Variants in HACD2 observed in about 807,000 individuals in gnomAD.
HACD2 encodes the protein very-long-chain (3R)-3-hydroxyacyl-CoA dehydratase 2.
In HACD2, 15 loss-of-function variants were observed where a neutral mutation model predicts 31.0. The ratio of observed to expected loss-of-function variants is 0.48; its 90% confidence interval spans 0.32 to 0.75. The LOEUF is 0.75. Among genes scored for constraint, HACD2 ranks in the 30% least tolerant of loss-of-function variants. The probability of loss-of-function intolerance (pLI) is 0.03; values close to 1 mark genes in which losing one functional copy is unlikely to be tolerated. For missense variants in HACD2, 283 were observed against 313.0 expected (o/e 0.90, Z 0.72); for synonymous variants, 115 against 122.2 (o/e 0.94, Z 0.39).
At chr3:123,541,910 G>A (rs1182735953) in intron 3 of HACD2, among the ~76,000 whole-genome samples, 1 of 151,966 alleles carries the variant, frequency 6.6e-6, no homozygotes, top group Non-Finnish European at 1.5e-5. Context: ...CACTTTGGGA[G>A]GCCGAGGCGG....
At chr3:123,551,562 T>G (rs2056620799) in intron 3 of HACD2, among the ~76,000 whole-genome samples, 1 of 151,678 alleles carries the variant, frequency 6.6e-6, no homozygotes, top group Non-Finnish European at 1.5e-5. Context: ...AGGCAGAAGT[T>G]GCAGTAAGCT....
Position 123,582,192 on chromosome 3 carries a change from C to G in HACD2, c.273+20G>C. On this transcript the variant is annotated intron_variant, in intron 2 of 6. Coordinates refer to ENST00000383657, the MANE Select transcript of HACD2 (RefSeq NM_198402.5). ...TCATACCAATGGAAATCAATAACAACAATAAATCTCAGGACCTACCTCCAA... is the reference window on the plus strand; with the variant it reads ...TCATACCAATGGAAATCAATAACAAGAATAAATCTCAGGACCTACCTCCAA... 1 of 1,442,114 alleles carries G rather than the reference C, an allele frequency of 6.9e-7. No individual in the cohort carries two copies. Among genetic ancestry groups the G allele is most frequent in the Non-Finnish European group, 9.5e-7 (1 of 1,051,506 alleles). 89.3% of individuals were successfully genotyped at this position (1,442,114 alleles called of 1,614,324 possible). A position where few individuals can be genotyped will look rare whatever the true frequency, so the allele number is the denominator to read the frequency against.
chr3:123,551,483 G>T (rs1202017967), intron 3 of HACD2, among the ~76,000 whole-genome samples: 1 of 152,048 alleles, frequency 6.6e-6, no homozygotes, highest in Non-Finnish European at 1.5e-5. Flanking sequence ...AAATTAGCCA[G>T]GCATGGTGGC....
intron 2 of HACD2, among the ~76,000 whole-genome samples, chr3:123,579,757 A>C (rs1039132035): frequency 6.6e-6 from 1 of 152,170 alleles, no homozygotes; most frequent in Non-Finnish European, 1.5e-5. Flanking sequence ...TGGGAACTGT[A>C]CTGGCCAAGG....
intron 3 of HACD2, among the ~76,000 whole-genome samples, chr3:123,566,663 A>G (rs1335765511): frequency 6.6e-6 from 1 of 151,674 alleles, no homozygotes; most frequent in Non-Finnish European, 1.5e-5. Context: ...TTGGGAGGCC[A>G]AGGTGGGTGG....
intron 5 of HACD2, among the ~76,000 whole-genome samples, chr3:123,501,587 GA>G (rs374898362): frequency 0.03 from 4,543 of 152,152 alleles, 73 homozygotes; most frequent in Middle Eastern, 0.088. Context: ...TAGGATGGTG[GA>G]AAAAAATCTT....
chr3:123,535,713 C>T (rs190074006), intron 3 of HACD2, among the ~76,000 whole-genome samples: 34 of 152,336 alleles, frequency 2.2e-4, no homozygotes, highest in African/African-American at 7.7e-4. Flanking sequence ...CTCATCCATG[C>T]TGAGCCTTCC....
intron 4 of HACD2, among the ~76,000 whole-genome samples, chr3:123,515,274 T>C (rs528970145): frequency 1.3e-5 from 2 of 152,260 alleles, no homozygotes; most frequent in East Asian, 3.9e-4. Flanking sequence ...ATATGGTGTT[T>C]GCTGTCTGCT....
chr3:123,514,475 A>G (rs1360792475), intron 4 of HACD2, among the ~76,000 whole-genome samples: 1 of 152,176 alleles, frequency 6.6e-6, no homozygotes, highest in Non-Finnish European at 1.5e-5. Flanking sequence ...GTACAATGAG[A>G]AGGAAATATA....
intron 4 of HACD2, among the ~76,000 whole-genome samples, chr3:123,507,310 T>G (rs2055989189): frequency 6.6e-6 from 1 of 152,206 alleles, no homozygotes; most frequent in South Asian, 2.1e-4. Flanking sequence ...AATGCAAATG[T>G]TCATAGAGTA....
At chr3:123,583,137 T>C (rs912552248) in intron 1 of HACD2, among the ~76,000 whole-genome samples, 1 of 152,112 alleles carries the variant, frequency 6.6e-6, no homozygotes, top group Admixed American at 6.5e-5. Flanking sequence ...CATAAGGACA[T>C]CAAGTAAGAG....
At chr3:123,506,076 G>A (rs1419711982) in intron 4 of HACD2, among the ~76,000 whole-genome samples, 1 of 152,262 alleles carries the variant, frequency 6.6e-6, no homozygotes, top group Non-Finnish European at 1.5e-5. Context: ...GGCGTGAAAC[G>A]CTGGCTAATA....
chr3:123,530,698 C>T (rs144144394), intron 3 of HACD2, among the ~76,000 whole-genome samples: 13 of 151,536 alleles, frequency 8.6e-5, no homozygotes, highest in African/African-American at 2.2e-4. Context: ...TGAGCCACTG[C>T]GCCCGGCCTG....
At chr3:123,555,158 G>A (rs749695774) in intron 3 of HACD2, among the ~76,000 whole-genome samples, 43 of 152,166 alleles carry the variant, frequency 2.8e-4, no homozygotes, top group Non-Finnish European at 5.6e-4. Context: ...ATTGGTTGGG[G>A]AGAAAACTGA....
chr3:123,550,014 T>C (rs1391754786), intron 3 of HACD2, among the ~76,000 whole-genome samples: 1 of 152,102 alleles, frequency 6.6e-6, no homozygotes, highest in Non-Finnish European at 1.5e-5. Flanking sequence ...GATTTTAGTC[T>C]AGAAGTATTT....
In HACD2 at chr3:123,519,746, A is replaced by T. The variant is rs532813841; in HGVS notation, c.381+8640T>A. Among the ~76,000 whole-genome samples the T allele has an allele frequency of 5.9e-5, 9 of 152,370 alleles. No homozygotes were observed. In the South Asian group the frequency reaches 1.9e-3, roughly 32 times the overall value. Reference sequence around the variant, plus strand: ...GGCAAAGAAGCAGGTAATAAGAGAGAGTTCCTCCTCCCGCAAGTTTTCAAA... The same window carrying T: ...GGCAAAGAAGCAGGTAATAAGAGAGTGTTCCTCCTCCCGCAAGTTTTCAAA... On this transcript the variant is annotated intron_variant, in intron 4 of 6. Transcript: ENST00000383657.
chr3:123,562,000 C>T (rs944567987), intron 3 of HACD2, among the ~76,000 whole-genome samples: 1 of 152,108 alleles, frequency 6.6e-6, no homozygotes, highest in Admixed American at 6.6e-5. Context: ...TTTGTAGAGA[C>T]AGGGTTTCAC....
At chr3:123,571,925 A>G (rs967453106) in intron 2 of HACD2, among the ~76,000 whole-genome samples, 1 of 152,198 alleles carries the variant, frequency 6.6e-6, no homozygotes, top group African/African-American at 2.4e-5. Context: ...TGGTCCATTT[A>G]TATTTGTAGA....
At chr3:123,547,386 T>A (rs1463465412) in intron 3 of HACD2, among the ~76,000 whole-genome samples, 6 of 152,212 alleles carry the variant, frequency 3.9e-5, no homozygotes, top group African/African-American at 1.4e-4. Context: ...TAAAGTACTG[T>A]GGGAATTACT....
Sources: gnomAD v4.1 joint callset for allele counts (sites outside exome capture counted in the v4.1 genomes callset) on GRCh38, gnomAD v4.1.1 for gene constraint, MANE v1.5 for transcripts, NCBI Gene and HGNC (gene_info 2026-07-23, HGNC 2026-07-21) for gene names.